TAB2: variants seen among roughly 807,000 people sequenced by gnomAD.
TAB2 encodes TGF-beta-activated kinase 1 and MAP3K7-binding protein 2.
A neutral mutation model predicts 65.0 loss-of-function variants in TAB2; 3 were observed. That is an observed-to-expected ratio of 0.05 (90% confidence interval 0.02 to 0.12). TAB2 has a LOEUF of 0.12. Ranked by LOEUF, TAB2 falls within the 10% of genes least tolerant of loss-of-function variation. The pLI is 1.00. For synonymous variants in TAB2, 298 were observed against 285.1 expected, an observed-to-expected ratio of 1.05 and a Z score of -0.46; for missense variants, 623 against 840.3, an observed-to-expected ratio of 0.74 and a Z score of 3.20.
chr6:149,268,108 T>C (rs893610096), intron 1 of TAB2, among the ~76,000 whole-genome samples: 3 of 152,202 alleles, frequency 2.0e-5, no homozygotes, highest in African/African-American at 4.8e-5. Flanking sequence ...AAAGTCAAAA[T>C]GGTAGTGGCT....
intron 1 of TAB2, among the ~76,000 whole-genome samples, chr6:149,282,526 AG>A (rs1376194421): frequency 6.6e-6 from 1 of 152,224 alleles, no homozygotes; most frequent in African/African-American, 2.4e-5. Flanking sequence ...ACACTTACCA[AG>A]TTAGATTATA....
At chr6:149,369,106 T>C (rs1308373734) in intron 1 of TAB2, among the ~76,000 whole-genome samples, 1 of 152,140 alleles carries the variant, frequency 6.6e-6, no homozygotes, top group Non-Finnish European at 1.5e-5. Context: ...TATTTTCAAA[T>C]AGCATGATTT....
chr6:149,284,082 A>C (rs1286058249), intron 1 of TAB2, among the ~76,000 whole-genome samples: 1 of 152,174 alleles, frequency 6.6e-6, no homozygotes, highest in Non-Finnish European at 1.5e-5. Flanking sequence ...TTCTCTTTTT[A>C]GAGCATTTAG....
chr6:149,302,268 C>T (rs1009323193), intron 1 of TAB2, among the ~76,000 whole-genome samples: 4 of 152,056 alleles, frequency 2.6e-5, no homozygotes, highest in South Asian at 2.1e-4. Context: ...AGGCATATAT[C>T]GAAATGTTAA....
At chr6:149,240,644 C>A (rs1260494633) in intron 1 of TAB2, among the ~76,000 whole-genome samples, 1 of 152,150 alleles carries the variant, frequency 6.6e-6, no homozygotes, top group Non-Finnish European at 1.5e-5. Context: ...TATTTTTCTA[C>A]TCTTTCTACT....
chr6:149,343,845 A>C (rs1744701351), intron 1 of TAB2, among the ~76,000 whole-genome samples: 1 of 152,222 alleles, frequency 6.6e-6, no homozygotes, highest in Non-Finnish European at 1.5e-5. Flanking sequence ...TAATCCCTGA[A>C]AGATGAGTTT....
intron 1 of TAB2, among the ~76,000 whole-genome samples, chr6:149,357,430 A>AAAAAAAAAAAAACACAC: frequency 1.8e-5 from 2 of 111,146 alleles, no homozygotes; most frequent in African/African-American, 6.9e-5. Context: ...AGAAAAAAAA[A>AAAAAAAAAAAAACACAC]ACACACACAC....
intron 3 of TAB2, among the ~76,000 whole-genome samples, chr6:149,392,041 GTC>G (rs1217405542): frequency 1.3e-5 from 2 of 151,014 alleles, no homozygotes; most frequent in Non-Finnish European, 2.9e-5. Flanking sequence ...TTAAGTTCTC[GTC>G]TCTCTGCTAT....
intron 1 of TAB2, among the ~76,000 whole-genome samples, chr6:149,284,054 C>T (rs140850969): frequency 5.0e-4 from 76 of 152,230 alleles, no homozygotes; most frequent in Non-Finnish European, 8.5e-4. Flanking sequence ...ACATAAAATG[C>T]AAATTGACCT....
At chr6:149,396,701 G>T (rs902725871) in intron 3 of TAB2, among the ~76,000 whole-genome samples, 29 of 152,202 alleles carry the variant, frequency 1.9e-4, no homozygotes, top group Admixed American at 6.5e-5. Context: ...AGTTCATGCT[G>T]CAGGATTGAT....
chr6:149,268,578 A>G (rs1407334455), intron 1 of TAB2, among the ~76,000 whole-genome samples: 2 of 152,226 alleles, frequency 1.3e-5, no homozygotes, highest in Non-Finnish European at 2.9e-5. Context: ...TTCTCGGAGC[A>G]ATTGGACTTA....
At chr6:149,382,997 A>G (rs1781668436) in intron 3 of TAB2, among the ~76,000 whole-genome samples, 1 of 152,080 alleles carries the variant, frequency 6.6e-6, no homozygotes, top group South Asian at 2.1e-4. Context: ...TCTACTAAAA[A>G]TACAAAAATT....
chr6:149,325,844 A>T (rs1315799232), intron 1 of TAB2, among the ~76,000 whole-genome samples: 1 of 152,156 alleles, frequency 6.6e-6, no homozygotes, highest in East Asian at 1.9e-4. Flanking sequence ...GGCTCAAGTG[A>T]TCCTCCCACC....
chr6:149,302,562 GT>G (rs1433725507), intron 1 of TAB2, among the ~76,000 whole-genome samples: 1 of 152,202 alleles, frequency 6.6e-6, no homozygotes, highest in African/African-American at 2.4e-5. Flanking sequence ...ACCTGATAGA[GT>G]TACTATTGCA....
intron 1 of TAB2, among the ~76,000 whole-genome samples, chr6:149,222,545 G>T (rs1777170939): frequency 1.3e-5 from 2 of 151,268 alleles, no homozygotes; most frequent in South Asian, 4.2e-4. Context: ...TTGAACCTGA[G>T]AGGCGGAGGT....
At chr6:149,246,244 A>C (rs1016962884) in intron 1 of TAB2, 4 of 152,222 alleles carry the variant, frequency 2.6e-5, no homozygotes, top group Admixed American at 6.5e-5. Context: ...CCAAAGGCCC[A>C]CTTCTACCTT....
chr6:149,221,206 G>A (rs1452256222), intron 1 of TAB2: 1 of 152,124 alleles, frequency 6.6e-6, no homozygotes, highest in Admixed American at 6.5e-5. Context: ...AGCAGCAGAG[G>A]TGCTTTATGT....
At chr6:149,346,174 C>CTT (rs1780291381) in intron 1 of TAB2, among the ~76,000 whole-genome samples, 2 of 152,080 alleles carry the variant, frequency 1.3e-5, no homozygotes, top group South Asian at 4.1e-4. Flanking sequence ...AACTCTGATA[C>CTT]TTTATTAGTA....
At chr6:149,250,367 G>T (rs1410209538) in intron 1 of TAB2, among the ~76,000 whole-genome samples, 2 of 151,736 alleles carry the variant, frequency 1.3e-5, no homozygotes, top group South Asian at 4.2e-4. Flanking sequence ...ATGCAATGGC[G>T]CAATCTCGGC....
Sources: gnomAD v4.1 joint callset for allele counts (sites outside exome capture counted in the v4.1 genomes callset) on GRCh38, gnomAD v4.1.1 for gene constraint, MANE v1.5 for transcripts, NCBI Gene and HGNC (gene_info 2026-07-23, HGNC 2026-07-21) for gene names.